GALNT13: variants seen among roughly 807,000 people sequenced by gnomAD.
GALNT13 encodes the protein polypeptide N-acetylgalactosaminyltransferase 13.
Under a neutral mutation model 64.2 loss-of-function variants are expected in GALNT13, and 28 were observed. The observed-to-expected ratio is 0.44, with a 90% CI of 0.32 to 0.60. GALNT13 has a LOEUF of 0.60. Among genes scored for constraint, GALNT13 ranks in the 20% least tolerant of loss-of-function variants. The pLI, the probability that GALNT13 is intolerant of heterozygous loss-of-function variation, is 0.05. For synonymous variants in GALNT13, 214 were observed against 224.6 expected, an observed-to-expected ratio of 0.95 and a Z score of 0.42; for missense variants, 577 against 669.8, an observed-to-expected ratio of 0.86 and a Z score of 1.53.
At chr2:153,713,959 G>A in the GALNT13 span, among the ~76,000 whole-genome samples, 3 of 152,054 alleles carry the variant, frequency 2.0e-5, no homozygotes, top group Non-Finnish European at 4.4e-5. Flanking sequence ...AGTGTGTAGA[G>A]AGTGACCCCA....
the GALNT13 span, among the ~76,000 whole-genome samples, chr2:153,634,783 T>C: frequency 3.3e-5 from 5 of 151,960 alleles, no homozygotes; most frequent in Non-Finnish European, 5.9e-5. Context: ...ACTCCTGACC[T>C]CGTGATCTGC....
At chr2:153,974,335 T>C (rs535714697) in intron 3 of GALNT13, among the ~76,000 whole-genome samples, 102 of 152,160 alleles carry the variant, frequency 6.7e-4, no homozygotes, top group Non-Finnish European at 1.3e-3. Context: ...GACAGATTTG[T>C]ATTTTAATCA....
At chr2:153,581,218 C>A in the GALNT13 span, among the ~76,000 whole-genome samples, 1 of 152,070 alleles carries the variant, frequency 6.6e-6, no homozygotes, top group East Asian at 1.9e-4. Flanking sequence ...TCTAGACTGA[C>A]ACCTGAGTTA....
At chr2:153,557,053 TAC>T in the GALNT13 span, among the ~76,000 whole-genome samples, 1 of 152,154 alleles carries the variant, frequency 6.6e-6, no homozygotes, top group Non-Finnish European at 1.5e-5. Flanking sequence ...TCCATTAAAT[TAC>T]AGTCATGCAC....
At chr2:153,707,610 C>G in the GALNT13 span, among the ~76,000 whole-genome samples, 15 of 152,322 alleles carry the variant, frequency 9.8e-5, no homozygotes, top group Non-Finnish European at 1.8e-4. Flanking sequence ...CTGCCTTGTA[C>G]AAGCTCACTT....
At chr2:153,478,279 C>T in the GALNT13 span, 15 of 1,613,908 alleles carry the variant, frequency 9.3e-6, no homozygotes, top group Non-Finnish European at 1.3e-5. Context: ...CTTAGACGGC[C>T]TCCGGTCCTT....
At chr2:153,224,062 A>G in the GALNT13 span, among the ~76,000 whole-genome samples, 2 of 152,234 alleles carry the variant, frequency 1.3e-5, no homozygotes, top group African/African-American at 4.8e-5. Context: ...TAAATGTATT[A>G]AAAGAGAGAT....
the GALNT13 span, among the ~76,000 whole-genome samples, chr2:153,846,585 A>G: frequency 6.6e-6 from 1 of 152,184 alleles, no homozygotes; most frequent in Non-Finnish European, 1.5e-5. Flanking sequence ...AATATAATTT[A>G]AAGATCACAT....
intron 9 of GALNT13, among the ~76,000 whole-genome samples, chr2:154,321,993 G>T (rs1162604600): frequency 6.6e-6 from 1 of 151,718 alleles, no homozygotes; most frequent in Non-Finnish European, 1.5e-5. Flanking sequence ...ATACATATTT[G>T]CCCAACTTGA....
chr2:153,531,791 C>A, the GALNT13 span, among the ~76,000 whole-genome samples: 1 of 152,094 alleles, frequency 6.6e-6, no homozygotes, highest in Non-Finnish European at 1.5e-5. Context: ...AAAAAATTGA[C>A]CAAAAGAAAA....
intron 3 of GALNT13, among the ~76,000 whole-genome samples, chr2:154,052,248 A>C (rs1035468484): frequency 6.6e-6 from 1 of 152,198 alleles, no homozygotes; most frequent in Admixed American, 6.5e-5. Context: ...TTGTGAAAGA[A>C]AAAAATATCA....
the GALNT13 span, among the ~76,000 whole-genome samples, chr2:153,382,041 G>A: frequency 6.6e-6 from 1 of 152,010 alleles, no homozygotes; most frequent in Non-Finnish European, 1.5e-5. Context: ...CTAGAAACAG[G>A]CAATGCTGAT....
the GALNT13 span, among the ~76,000 whole-genome samples, chr2:153,841,013 T>G: frequency 6.6e-6 from 1 of 152,308 alleles, no homozygotes; most frequent in East Asian, 1.9e-4. Context: ...ATAAGAGCGC[T>G]TATGTTCTAA....
intron 2 of GALNT13, among the ~76,000 whole-genome samples, chr2:153,904,294 T>C (rs1271887789): frequency 6.6e-6 from 1 of 151,946 alleles, no homozygotes; most frequent in South Asian, 2.1e-4. Flanking sequence ...AACATTCTTT[T>C]AAATGTGTTT....
At chr2:153,335,345 CA>C in the GALNT13 span, among the ~76,000 whole-genome samples, 2 of 152,144 alleles carry the variant, frequency 1.3e-5, no homozygotes, top group Non-Finnish European at 2.9e-5. Context: ...GACAGGAAAA[CA>C]TGGGAAAGTT....
intron 5 of GALNT13, 143 bp from the exon 6 acceptor site, chr2:154,242,555 C>G (rs1353958876): frequency 9.8e-6 from 6 of 611,690 alleles, no homozygotes; most frequent in Non-Finnish European, 1.7e-5. Flanking sequence ...AATGAAATCT[C>G]TATTATTTTA....
In GALNT13 at chr2:154,133,578, ATATAT is replaced by A. The variant is rs1452349272; in HGVS notation, c.143-6758_143-6754del. ...TATATATATATATATATATATATATATATATATCTGAGATGGGGAAAACCCACGTT... is the reference window on the plus strand; with the variant it reads ...TATATATATATATATATATATATATAATCTGAGATGGGGAAAACCCACGTT... On this transcript the variant is annotated intron_variant, in intron 3 of 12. Coordinates refer to ENST00000392825, the MANE Select transcript of GALNT13 (RefSeq NM_052917.4). Among the ~76,000 whole-genome samples the A allele has an allele frequency of 2.0e-4, 25 of 125,532 alleles. 1 individual carries two copies. The highest frequency in any genetic ancestry group is 8.8e-4 in the African/African-American group (25 of 28,518). The allele number at this position is 125,532 out of a possible 152,430, so 82.4% of individuals were successfully genotyped here.
chr2:153,292,636 AG>A, the GALNT13 span, among the ~76,000 whole-genome samples: 2 of 152,152 alleles, frequency 1.3e-5, no homozygotes, highest in Non-Finnish European at 2.9e-5. Context: ...TGATGTTTGG[AG>A]AGGGAATTAA....
chr2:153,832,795 T>A, the GALNT13 span, among the ~76,000 whole-genome samples: 3 of 152,294 alleles, frequency 2.0e-5, no homozygotes, highest in South Asian at 6.2e-4. Context: ...TCAGTAAATA[T>A]TTTAGGCTCT....
Sources: allele counts gnomAD v4.1 joint callset (sites outside exome capture counted in the v4.1 genomes callset), GRCh38; gene constraint gnomAD v4.1.1; transcripts MANE v1.5; gene names NCBI Gene and HGNC (gene_info 2026-07-23, HGNC 2026-07-21).